The following ARHGAP24 variants were observed in gnomAD, a reference collection of about 807,000 sequenced individuals.
ARHGAP24 encodes Rho GTPase activating protein 24.
A neutral mutation model predicts 76.4 loss-of-function variants in ARHGAP24; 50 were observed. The observed-to-expected ratio is 0.65, with a 90% confidence interval of 0.52 to 0.83. ARHGAP24 has a LOEUF of 0.83. ARHGAP24 is among the 40% of genes least tolerant of loss of function. The pLI is 0.00. For missense variants in ARHGAP24, 930 were observed against 914.2 expected (o/e 1.02, Z -0.22); for synonymous variants, 345 against 323.3 (o/e 1.07, Z -0.72).
intron 2 of ARHGAP24, among the ~76,000 whole-genome samples, chr4:85,633,798 C>T (rs1721233119): frequency 6.6e-6 from 1 of 151,814 alleles, no homozygotes; most frequent in Non-Finnish European, 1.5e-5. Flanking sequence ...ATTTCGGGAG[C>T]CTGATTTCTC....
intron 5 of ARHGAP24, among the ~76,000 whole-genome samples, chr4:85,946,875 G>T (rs1322212890): frequency 6.6e-6 from 1 of 152,090 alleles, no homozygotes; most frequent in Admixed American, 6.6e-5. Flanking sequence ...TTGAATAGTG[G>T]TTCAACTCTC....
At chr4:85,942,946 C>A (rs1216395654) in intron 5 of ARHGAP24, among the ~76,000 whole-genome samples, 1 of 151,994 alleles carries the variant, frequency 6.6e-6, no homozygotes. Context: ...GAAATGTTTT[C>A]ATATTAATAG....
chr4:85,679,282 G>A (rs1465569988), intron 2 of ARHGAP24, among the ~76,000 whole-genome samples: 1 of 152,092 alleles, frequency 6.6e-6, no homozygotes, highest in Non-Finnish European at 1.5e-5. Flanking sequence ...CTGGACAAGG[G>A]GGGCTTCAGA....
intron 3 of ARHGAP24, among the ~76,000 whole-genome samples, chr4:85,888,402 GAA>G (rs377665282): frequency 1.6e-5 from 2 of 125,158 alleles, no homozygotes; most frequent in Non-Finnish European, 3.2e-5. Context: ...TTCCTCTCAA[GAA>G]AAAAAAAAAA....
At chr4:85,744,561 G>A (rs917376984) in intron 3 of ARHGAP24, among the ~76,000 whole-genome samples, 1 of 152,166 alleles carries the variant, frequency 6.6e-6, no homozygotes, top group Non-Finnish European at 1.5e-5. Context: ...TTTAAGGAGA[G>A]AGAAAAGACA....
chr4:85,848,290 C>T (rs112088012), intron 3 of ARHGAP24, among the ~76,000 whole-genome samples: 11,172 of 152,172 alleles, frequency 0.073, 591 homozygotes, highest in Non-Finnish European at 0.12. Context: ...CCCATTAACT[C>T]GTCATTTACA....
intron 2 of ARHGAP24, among the ~76,000 whole-genome samples, chr4:85,657,332 T>C (rs200854384): frequency 6.6e-6 from 1 of 152,036 alleles, no homozygotes; most frequent in East Asian, 1.9e-4. Context: ...TTCTGAATGG[T>C]CTACTTTGTT....
chr4:85,508,972 C>G (rs996335489), intron 1 of ARHGAP24, among the ~76,000 whole-genome samples: 5 of 152,038 alleles, frequency 3.3e-5, no homozygotes, highest in Non-Finnish European at 5.9e-5. Context: ...TTCCATGAAG[C>G]CTTCCCTCAG....
At chr4:85,781,927 C>T (rs1304122028) in intron 3 of ARHGAP24, among the ~76,000 whole-genome samples, 1 of 151,510 alleles carries the variant, frequency 6.6e-6, no homozygotes, top group Non-Finnish European at 1.5e-5. Context: ...ATCCCAGCTA[C>T]CCGGGAGGCT....
chr4:85,546,179 G>C (rs1994072), intron 1 of ARHGAP24, among the ~76,000 whole-genome samples: 1 of 151,842 alleles, frequency 6.6e-6, no homozygotes, highest in Non-Finnish European at 1.5e-5. Context: ...ATGAATTTAC[G>C]TACACACACC....
chr4:85,901,855 C>T (rs1054550998), intron 3 of ARHGAP24, among the ~76,000 whole-genome samples: 4 of 151,682 alleles, frequency 2.6e-5, no homozygotes, highest in Non-Finnish European at 5.9e-5. Context: ...ATGTGCTGAA[C>T]ATGCAGGTTT....
At chr4:85,548,804 C>T (rs1726014250) in intron 1 of ARHGAP24, among the ~76,000 whole-genome samples, 1 of 152,100 alleles carries the variant, frequency 6.6e-6, no homozygotes, top group Non-Finnish European at 1.5e-5. Flanking sequence ...TAGAAAGGTC[C>T]CTTGTGCCCC....
At chr4:85,782,068 AAAAAAC>A (rs1727591421) in intron 3 of ARHGAP24, among the ~76,000 whole-genome samples, 1 of 148,640 alleles carries the variant, frequency 6.7e-6, no homozygotes, top group African/African-American at 2.4e-5. Context: ...AAAAAGAAAA[AAAAAAC>A]AATTGTCTAG....
intron 1 of ARHGAP24, among the ~76,000 whole-genome samples, chr4:85,483,290 G>A (rs1198762339): frequency 3.3e-5 from 5 of 151,930 alleles, no homozygotes. Flanking sequence ...GAATGAAAAA[G>A]AATAGAATAA....
At chr4:85,633,114 C>T (rs1271559425) in intron 2 of ARHGAP24, among the ~76,000 whole-genome samples, 1 of 151,870 alleles carries the variant, frequency 6.6e-6, no homozygotes, top group Non-Finnish European at 1.5e-5. Flanking sequence ...CCAGGCTGCT[C>T]ATATGAAAAT....
At chr4:85,837,823 T>A (rs1730371698) in intron 3 of ARHGAP24, among the ~76,000 whole-genome samples, 1 of 152,178 alleles carries the variant, frequency 6.6e-6, no homozygotes. Context: ...GAATCAATCT[T>A]TGTAACTGAT....
chr4:85,647,614 A>G (rs1365527897), intron 2 of ARHGAP24, among the ~76,000 whole-genome samples: 1 of 152,198 alleles, frequency 6.6e-6, no homozygotes, highest in Admixed American at 6.6e-5. Flanking sequence ...ATAAATTACA[A>G]TAATGAATGT....
intron 3 of ARHGAP24, among the ~76,000 whole-genome samples, chr4:85,837,349 A>G (rs1213827817): frequency 6.6e-6 from 1 of 152,152 alleles, no homozygotes; most frequent in Non-Finnish European, 1.5e-5. Flanking sequence ...GTAATGGGGA[A>G]AAGGTACTTG....
intron 4 of ARHGAP24, among the ~76,000 whole-genome samples, chr4:85,932,965 G>A (rs574757326): frequency 6.6e-6 from 1 of 152,282 alleles, no homozygotes; most frequent in South Asian, 2.1e-4. Flanking sequence ...GCAGCAGCAT[G>A]ACGCACAGGA....
Sources: gnomAD v4.1 joint callset for allele counts (sites outside exome capture counted in the v4.1 genomes callset) on GRCh38, gnomAD v4.1.1 for gene constraint, MANE v1.5 for transcripts, NCBI Gene and HGNC (gene_info 2026-07-23, HGNC 2026-07-21) for gene names.